Variants in GABRP observed in about 807,000 individuals in gnomAD.
GABRP encodes the protein gamma-aminobutyric acid receptor subunit pi.
Under a neutral mutation model 47.8 loss-of-function variants are expected in GABRP, and 52 were observed. That is an observed-to-expected ratio of 1.09 (90% CI 0.87 to 1.37). The LOEUF (loss-of-function observed/expected upper bound fraction) is 1.37, where lower values mean the gene tolerates loss of function less well. Ranked by LOEUF, GABRP falls within the 40% of genes most tolerant of loss-of-function variation. The pLI is 0.00. For missense variants in GABRP, 525 were observed against 542.8 expected, an observed-to-expected ratio of 0.97 and a Z score of 0.33; for synonymous variants, 221 against 205.8, an observed-to-expected ratio of 1.07 and a Z score of -0.63.
chr5:170,789,704 A>G (rs1179710187), intron 3 of GABRP, among the ~76,000 whole-genome samples: 1 of 152,002 alleles, frequency 6.6e-6, no homozygotes, highest in African/African-American at 2.4e-5. Context: ...GTCCAGGCAC[A>G]CTAGGCCCTT....
intron 3 of GABRP, among the ~76,000 whole-genome samples, chr5:170,792,888 T>G (rs1397736431): frequency 6.6e-6 from 1 of 152,168 alleles, no homozygotes; most frequent in Admixed American, 6.5e-5. Flanking sequence ...TCCCCTGAGG[T>G]ACCCCCGGGG....
intron 9 of GABRP, among the ~76,000 whole-genome samples, chr5:170,811,716 C>T (rs1253027749): frequency 2.0e-5 from 3 of 152,180 alleles, no homozygotes; most frequent in Non-Finnish European, 4.4e-5. Flanking sequence ...AGGATATCCA[C>T]AGTAGGCCAT....
intron 1 of GABRP, 184 bp from the exon 2 acceptor site, chr5:170,788,390 A>C (rs3792811): frequency 0.37 from 158,113 of 430,404 alleles, 30,726 homozygotes; most frequent in East Asian, 0.54. Context: ...ATAATCCTCC[A>C]AAATGAAGTC....
In GABRP at chr5:170,814,016, A is replaced by T. The variant is rs1765958358; in HGVS notation, c.*1758A>T. The T allele has an allele frequency of 2.0e-5, 3 of 152,290 alleles. No homozygotes were observed. The South Asian group carries it at 6.2e-4, about 32-fold the overall frequency. The allele number at this position is 152,290 out of a possible 1,614,324, so 9.4% of individuals were successfully genotyped here. A position where few individuals can be genotyped will look rare whatever the true frequency, so the allele number is the denominator to read the frequency against. ...ACAATGATAAAGATGTGAAACTGTG[A>T]AATAAATATACCATATTAGCTACCC... On this transcript the variant is annotated 3_prime_UTR_variant, in exon 10 of 10. Transcript: ENST00000265294.
intron 6 of GABRP, among the ~76,000 whole-genome samples, chr5:170,799,600 T>A (rs1480243697): frequency 6.6e-6 from 1 of 152,254 alleles, no homozygotes; most frequent in Non-Finnish European, 1.5e-5. Flanking sequence ...TGTCTGTTCA[T>A]ATCCTTCGCC....
chr5:170,787,348 G>A (rs555056213), intron 1 of GABRP, among the ~76,000 whole-genome samples: 109 of 152,320 alleles, frequency 7.2e-4, no homozygotes, highest in African/African-American at 2.5e-3. Flanking sequence ...CTGAGCCTGA[G>A]CACCCCCATT....
Position 170,813,464 on chromosome 5 carries a change from A to G in GABRP, c.*1206A>G, listed in dbSNP as rs368624530. ...GAGCAGGAGCGTGCTGGCCCTGAGTACTGAACTTTCTGAGTAACAATGAGA... is the reference window on the plus strand; with the variant it reads ...GAGCAGGAGCGTGCTGGCCCTGAGTGCTGAACTTTCTGAGTAACAATGAGA... On this transcript the variant is annotated 3_prime_UTR_variant, in exon 10 of 10. Transcript: ENST00000265294. 1.5e-4 allele frequency: 23 copies of G among 152,384 alleles called. No individual in the cohort carries two copies. Among genetic ancestry groups the G allele is most frequent in the African/African-American group, 5.5e-4 (23 of 41,578 alleles). 9.4% of individuals were successfully genotyped at this position (152,384 alleles called of 1,614,324 possible).
intron 6 of GABRP, among the ~76,000 whole-genome samples, chr5:170,799,173 T>A (rs1318766254): frequency 2.6e-5 from 4 of 152,208 alleles, no homozygotes; most frequent in African/African-American, 9.7e-5. Context: ...CTTAATCCAG[T>A]CTATCATTGT....
At chr5:170,806,982 A>G (rs758868594) in intron 7 of GABRP, among the ~76,000 whole-genome samples, 23 of 150,964 alleles carry the variant, frequency 1.5e-4, no homozygotes, top group Non-Finnish European at 3.1e-4. Context: ...GTCTCACTCT[A>G]GTGTCACCTA....
chr5:170,794,365 T>C (rs1765364890), intron 4 of GABRP, 67 bp downstream of exon 4: 3 of 802,148 alleles, frequency 3.7e-6, no homozygotes, highest in African/African-American at 2.0e-5. Flanking sequence ...GGATATGCTT[T>C]CTAGCCGCTC....
At chr5:170,793,655 C>A (rs1765340021) in intron 3 of GABRP, among the ~76,000 whole-genome samples, 1 of 152,198 alleles carries the variant, frequency 6.6e-6, no homozygotes. Flanking sequence ...AATCTGTTAC[C>A]TTTCTAAACA....
At chr5:170,792,997 G>A (rs927970272) in intron 3 of GABRP, among the ~76,000 whole-genome samples, 3 of 152,130 alleles carry the variant, frequency 2.0e-5, no homozygotes, top group Non-Finnish European at 2.9e-5. Context: ...GAGGGGGAAG[G>A]GAAGGGAAAT....
At chr5:170,805,082 T>A (rs1197855730) in intron 6 of GABRP, among the ~76,000 whole-genome samples, 1 of 149,184 alleles carries the variant, frequency 6.7e-6, no homozygotes, top group African/African-American at 2.4e-5. Context: ...TCAGAAAATG[T>A]AAAGAAATGT....
chr5:170,793,579 C>T (rs1488272581), intron 3 of GABRP, among the ~76,000 whole-genome samples: 1 of 152,168 alleles, frequency 6.6e-6, no homozygotes, highest in Non-Finnish European at 1.5e-5. Context: ...TCTTGAATGC[C>T]TCTTGTGGTA....
chr5:170,804,977 ATATAT>A (rs35958756), intron 6 of GABRP, among the ~76,000 whole-genome samples: 52,974 of 144,578 alleles, frequency 0.37, 12,316 homozygotes, highest in African/African-American at 0.66. Flanking sequence ...TTTATATATT[ATATAT>A]TATATTATAT....
chr5:170,800,573 T>G (rs1765564823), intron 6 of GABRP, among the ~76,000 whole-genome samples: 1 of 152,130 alleles, frequency 6.6e-6, no homozygotes, highest in Non-Finnish European at 1.5e-5. Context: ...TAACAAAATG[T>G]GTTTTATGGC....
chr5:170,787,051 C>A (rs1294242931), intron 1 of GABRP, among the ~76,000 whole-genome samples: 2 of 152,030 alleles, frequency 1.3e-5, no homozygotes, highest in South Asian at 2.1e-4. Flanking sequence ...CAAAATTGAG[C>A]CTTCCCTACA....
chr5:170,809,684 G>C lies in GABRP; in HGVS notation c.949G>C (p.Val317Leu), dbSNP rs1765831329. ...DVYLGICFSF[V>L]FGALLEYAVA... ...GTACCTGGGGATCTGCTTTAGCTTT[G>C]TGTTTGGGGCCTTGCTAGAATATGC... Residue 317 changes from valine to leucine, a missense_variant, in exon 9 of 10, where the codon GTG becomes CTG. Physicochemically the swap from Val to Leu is conservative, Grantham distance 32. Transcript: ENST00000265294. The C allele has an allele frequency of 6.2e-7, 1 of 1,613,700 alleles. No homozygotes were observed. Among genetic ancestry groups the C allele is most frequent in the Non-Finnish European group, 8.5e-7 (1 of 1,179,818 alleles).
At chr5:170,799,213 C>T (rs531030994) in intron 6 of GABRP, among the ~76,000 whole-genome samples, 2 of 152,274 alleles carry the variant, frequency 1.3e-5, no homozygotes, top group African/African-American at 4.8e-5. Flanking sequence ...CAAGCCTTTG[C>T]TATTGTGAAT....
Sources: gnomAD v4.1 joint callset for allele counts (sites outside exome capture counted in the v4.1 genomes callset) on GRCh38, gnomAD v4.1.1 for gene constraint, MANE v1.5 for transcripts, NCBI Gene and HGNC (gene_info 2026-07-23, HGNC 2026-07-21) for gene names.